TSPEAR: variants seen among roughly 807,000 people sequenced by gnomAD.
The protein encoded by TSPEAR is thrombospondin type laminin G domain and EAR repeats, also known as thrombospondin-type laminin G domain and EAR repeat-containing protein.
TSPEAR carries 69 observed loss-of-function variants against 71.6 expected under a neutral mutation model. That is an observed-to-expected ratio of 0.96 (90% CI 0.79 to 1.18). The LOEUF (loss-of-function observed/expected upper bound fraction) is 1.18. TSPEAR is among the 50% of genes most tolerant of loss of function. TSPEAR has a pLI of 0.00. For synonymous variants in TSPEAR, 402 were observed against 387.2 expected (o/e 1.04, Z -0.45); for missense variants, 971 against 894.9 (o/e 1.09, Z -1.09).
intron 1 of TSPEAR, chr21:44,697,848 T>TC (rs782699280): frequency 3.1e-6 from 5 of 1,603,792 alleles, no homozygotes; most frequent in Non-Finnish European, 4.3e-6. Context: ...TCCTGCTGTG[T>TC]CCCCACCTCC....
At position 44,612,409 on chromosome 21, in the gene TSPEAR, C is replaced by G. The variant is rs1555931319; in HGVS notation, c.83-44404G>C. The G allele has an allele frequency of 3.1e-6, 5 of 1,614,184 alleles. No homozygotes were observed. The highest frequency in any genetic ancestry group is 3.3e-5 in the Admixed American group (2 of 60,034). ...CACCTTCATGCTGCCAGCAGTCTAG[C>G]TGCCAGCCGGCTTGCTGCACCTCCT... is the stretch of plus-strand genomic sequence containing the variant. On this transcript the variant is annotated intron_variant, in intron 1 of 11. Coordinates refer to ENST00000323084, the MANE Select transcript of TSPEAR (RefSeq NM_144991.3). This position sits in a 1 kb window ranked among gnomAD's most constrained non-coding sequence, Gnocchi z 4.1.
chr21:44,551,854 C>A (rs1307316542), intron 2 of TSPEAR, among the ~76,000 whole-genome samples: 1 of 152,086 alleles, frequency 6.6e-6, no homozygotes, highest in Non-Finnish European at 1.5e-5. Flanking sequence ...CCGGGGGAGG[C>A]CCAGCCTCTG....
chr21:44,674,184 G>A (rs1376822535), intron 1 of TSPEAR, among the ~76,000 whole-genome samples: 7 of 149,454 alleles, frequency 4.7e-5, no homozygotes, highest in Non-Finnish European at 1.0e-4. Flanking sequence ...GAACTAGAAA[G>A]GCAAGAACAA....
intron 2 of TSPEAR, among the ~76,000 whole-genome samples, chr21:44,536,198 G>A (rs587748672): frequency 6.8e-4 from 103 of 152,324 alleles, no homozygotes; most frequent in African/African-American, 2.3e-3. Context: ...CCCCCTTTCC[G>A]GGCGGTGCTG....
chr21:44,643,155 G>A (rs1984114436), intron 1 of TSPEAR, among the ~76,000 whole-genome samples: 1 of 152,194 alleles, frequency 6.6e-6, no homozygotes, highest in Non-Finnish European at 1.5e-5. Context: ...AAGTGACCCA[G>A]GCACAGAAAG....
chr21:44,676,656 T>TC, intron 1 of TSPEAR: 1 of 769,588 alleles, frequency 1.3e-6, no homozygotes, highest in Non-Finnish European at 2.4e-6. Flanking sequence ...TAAGGACATC[T>TC]CACAAGTGAT....
At chr21:44,533,482 C>T (rs1320592175) in intron 3 of TSPEAR, among the ~76,000 whole-genome samples, 2 of 150,906 alleles carry the variant, frequency 1.3e-5, no homozygotes, top group Admixed American at 6.6e-5. Context: ...TGGCTCCTGT[C>T]CCTCCACCCC....
intron 2 of TSPEAR, among the ~76,000 whole-genome samples, chr21:44,547,783 G>A (rs1555917880): frequency 6.6e-6 from 1 of 151,880 alleles, no homozygotes. Context: ...CTTCCTGCTT[G>A]CATCTTCACT....
chr21:44,602,152 A>G (rs183463451), intron 1 of TSPEAR: 1 of 251,068 alleles, frequency 4.0e-6, no homozygotes, highest in East Asian at 9.2e-5. Flanking sequence ...GACCCTTCTA[A>G]TAAACTCCTT....
chr21:44,503,399 T>G (rs868909178), intron 11 of TSPEAR, among the ~76,000 whole-genome samples: 9 of 101,326 alleles, frequency 8.9e-5, no homozygotes, highest in Admixed American at 1.0e-4. Flanking sequence ...GAAGCAAGGC[T>G]CTGGGAGGAG....
chr21:44,666,220 A>C, intron 1 of TSPEAR: 1 of 537,908 alleles, frequency 1.9e-6, no homozygotes, highest in Non-Finnish European at 3.3e-6. Context: ...TTTGGCTCTC[A>C]TGGGGTCAGA....
intron 2 of TSPEAR, chr21:44,558,183 C>T (rs782540887): frequency 6.5e-7 from 1 of 1,549,680 alleles, no homozygotes; most frequent in South Asian, 1.2e-5. Context: ...GGCAGGGGCA[C>T]AGCAGGAGGG....
intron 1 of TSPEAR, among the ~76,000 whole-genome samples, chr21:44,685,291 C>T (rs1206843909): frequency 3.9e-5 from 6 of 152,136 alleles, no homozygotes; most frequent in South Asian, 2.1e-4. Flanking sequence ...GTGACACCAC[C>T]GTAGAATAAA....
intron 9 of TSPEAR, among the ~76,000 whole-genome samples, chr21:44,514,042 C>T (rs948169234): frequency 2.0e-5 from 3 of 152,230 alleles, no homozygotes; most frequent in Non-Finnish European, 4.4e-5. Context: ...GCACCTTCCC[C>T]AAGCTGCCTA....
chr21:44,499,488 G>C lies in TSPEAR; in HGVS notation c.*295C>G, dbSNP rs911002192. ...GTTTGAGGTAAAAATGTATAGAAAC[G>C]GTTCCTTGACAGCGAAATCCCCGCT... On this transcript the variant is annotated 3_prime_UTR_variant, in exon 12 of 12. Coordinates refer to ENST00000323084, the MANE Select transcript of TSPEAR (RefSeq NM_144991.3). 8 of 376,804 alleles carry C rather than the reference G, an allele frequency of 2.1e-5. No homozygotes were observed. Among genetic ancestry groups the C allele is most frequent in the African/African-American group, 6.4e-5 (3 of 46,784 alleles). The allele number at this position is 376,804 out of a possible 1,614,324, so 23.3% of individuals were successfully genotyped here. A position where few individuals can be genotyped will look rare whatever the true frequency, so the allele number is the denominator to read the frequency against.
intron 9 of TSPEAR, among the ~76,000 whole-genome samples, chr21:44,521,534 C>A (rs904378671): frequency 6.6e-6 from 1 of 152,208 alleles, no homozygotes; most frequent in African/African-American, 2.4e-5. Flanking sequence ...GATTAGACCG[C>A]GGGAGCTTCC....
intron 1 of TSPEAR, among the ~76,000 whole-genome samples, chr21:44,590,994 C>A (rs1467952850): frequency 6.6e-6 from 1 of 152,140 alleles, no homozygotes; most frequent in South Asian, 2.1e-4. Flanking sequence ...TCGACAGAGA[C>A]AGAGGGGTGG....
chr21:44,591,387 T>C (rs1555926486), intron 1 of TSPEAR: 2 of 1,601,890 alleles, frequency 1.2e-6, no homozygotes, highest in East Asian at 2.2e-5. Context: ...TCCAGGGCTG[T>C]CAGCAGCTGG....
chr21:44,689,343 A>C (rs1555949391), intron 1 of TSPEAR, among the ~76,000 whole-genome samples: 1 of 151,994 alleles, frequency 6.6e-6, no homozygotes, highest in Non-Finnish European at 1.5e-5. Flanking sequence ...TCTACTAAAA[A>C]TACAAAAAAT....
Sources: allele counts gnomAD v4.1 joint callset (sites outside exome capture counted in the v4.1 genomes callset), GRCh38; gene constraint gnomAD v4.1.1; non-coding constraint Gnocchi (gnomAD v3.1); transcripts MANE v1.5; gene names NCBI Gene and HGNC (gene_info 2026-07-23, HGNC 2026-07-21).